The following C3orf38 variants were observed in gnomAD, a reference collection of about 807,000 sequenced individuals.
The protein encoded by C3orf38 is chromosome 3 open reading frame 38, also known as uncharacterized protein C3orf38.
C3orf38 carries 18 observed loss-of-function variants against 28.3 expected under a neutral mutation model. The ratio of observed to expected loss-of-function variants is 0.64; its 90% CI spans 0.44 to 0.94. The LOEUF is 0.94. Among genes scored for constraint, C3orf38 ranks in the 40% least tolerant of loss-of-function variants. The probability of loss-of-function intolerance (pLI) is 0.00; values close to 1 mark genes in which losing one functional copy is unlikely to be tolerated. For synonymous variants in C3orf38, 145 were observed against 138.1 expected, an observed-to-expected ratio of 1.05 and a Z score of -0.35; for missense variants, 364 against 396.4, an observed-to-expected ratio of 0.92 and a Z score of 0.69.
At chr3:88,153,191 C>A in intron 1 of C3orf38, 39 bp from the exon 2 acceptor site, 1 of 1,574,540 alleles carries the variant, frequency 6.4e-7, no homozygotes, top group Non-Finnish European at 8.6e-7. Flanking sequence ...TTTGTAAGTG[C>A]CTCATGATTT....
chr3:88,154,402 C>T (rs1707453826), intron 2 of C3orf38, among the ~76,000 whole-genome samples: 1 of 151,522 alleles, frequency 6.6e-6, no homozygotes, highest in Non-Finnish European at 1.5e-5. Context: ...AGAAAAAGTC[C>T]TATTGTAGAA....
chr3:88,154,730 C>T (rs1348392722), intron 2 of C3orf38, among the ~76,000 whole-genome samples: 5 of 152,196 alleles, frequency 3.3e-5, no homozygotes, highest in South Asian at 2.1e-4. Context: ...ACCAGTGCCA[C>T]GCACAGTGCC....
Position 88,156,327 on chromosome 3 carries a change from C to G in C3orf38, c.682C>G (p.Pro228Ala), listed in dbSNP as rs1259982225. 6.2e-7 allele frequency: 1 copy of G among 1,614,210 alleles called. No homozygotes were observed. Among genetic ancestry groups the G allele is most frequent in the Non-Finnish European group, 8.5e-7 (1 of 1,180,034 alleles). ...ACATGGACTGAAATGTGCATCTTCT[C>G]CTCATGGGCTGGTTATGGTTGGAGT... ...DSHGLKCASS[P>A]HGLVMVGVAG... The change falls in exon 3 of 3, where the codon CCT becomes GCT. Residue 228 changes from proline to alanine, a missense_variant. Transcript: ENST00000318887.
intron 1 of C3orf38, chr3:88,150,494 C>A: frequency 4.8e-6 from 1 of 208,732 alleles, no homozygotes. Context: ...TTTTCAGTTT[C>A]GATCAGCTGA....
Position 88,156,312 on chromosome 3 carries a change from A to G in C3orf38, c.667A>G (p.Lys223Glu), listed in dbSNP as rs762586867. 3.7e-6 allele frequency: 6 copies of G among 1,614,216 alleles called. No homozygotes were observed. Among genetic ancestry groups the G allele is most frequent in the Non-Finnish European group, 4.2e-6 (5 of 1,180,032 alleles). ...CCCCAACCTAGATTCACATGGACTG[A>G]AATGTGCATCTTCTCCTCATGGGCT... ...LSPNLDSHGL[K>E]CASSPHGLVM... The change falls in exon 3 of 3, where the codon AAA (lysine) becomes GAA (glutamate). Residue 223 changes from lysine (K) to glutamate (E), a missense_variant. Transcript: ENST00000318887.
At chr3:88,150,213 C>CT (rs1707386683) in intron 1 of C3orf38, 28 bp downstream of exon 1, 1 of 1,611,386 alleles carries the variant, frequency 6.2e-7, no homozygotes, top group Admixed American at 1.7e-5. Flanking sequence ...ACCTAGAAGG[C>CT]TGCCGCCCCT....
In C3orf38 at chr3:88,157,522, A is replaced by C. The variant is rs1231565302; in HGVS notation, c.*887A>C. 6.6e-6 allele frequency: 1 copy of C among 152,156 alleles called. No homozygotes were observed. Among genetic ancestry groups the C allele is most frequent in the African/African-American group, 2.4e-5 (1 of 41,440 alleles). The allele number at this position is 152,156 out of a possible 1,614,324, so 9.4% of individuals were successfully genotyped here. A position where few individuals can be genotyped will look rare whatever the true frequency, so the allele number is the denominator to read the frequency against. On this transcript the variant is annotated 3_prime_UTR_variant, in exon 3 of 3. Coordinates refer to ENST00000318887, the MANE Select transcript of C3orf38 (RefSeq NM_173824.4). ...GATCTTGGCAGAGATGACAAAAAAA[A>C]CCCCAAAACAACCCATGCATGTATA...
chr3:88,153,137 G>T, intron 1 of C3orf38, 93 bp from the exon 2 acceptor site: 2 of 1,196,348 alleles, frequency 1.7e-6, no homozygotes, highest in South Asian at 3.1e-5. Flanking sequence ...TGTGACGAGA[G>T]TTTATAAACA....
chr3:88,150,036 C>T lies in C3orf38; in HGVS notation c.-17C>T. 6.8e-7 allele frequency: 1 copy of T among 1,470,412 alleles called. No homozygotes were observed. The highest frequency in any genetic ancestry group is 9.0e-7 in the Non-Finnish European group (1 of 1,108,812). 91.1% of individuals were successfully genotyped at this position (1,470,412 alleles called of 1,614,324 possible). A position where few individuals can be genotyped will look rare whatever the true frequency, so the allele number is the denominator to read the frequency against. On this transcript the variant is annotated 5_prime_UTR_variant, in exon 1 of 3. Coordinates refer to ENST00000318887, the MANE Select transcript of C3orf38 (RefSeq NM_173824.4). ...GGGCGACATTGTTGCCGTTGTCTTT[C>T]CCCCCCAGTCCCGGGGATGGAGATG...
intron 2 of C3orf38, among the ~76,000 whole-genome samples, chr3:88,154,841 A>G (rs1430919590): frequency 6.6e-6 from 1 of 151,928 alleles, no homozygotes; most frequent in African/African-American, 2.4e-5. Context: ...CTAGTGTATC[A>G]GGTAGATTTT....
At chr3:88,155,347 C>T (rs1443291614) in intron 2 of C3orf38, among the ~76,000 whole-genome samples, 2 of 151,756 alleles carry the variant, frequency 1.3e-5, no homozygotes, top group Non-Finnish European at 2.9e-5. Flanking sequence ...AAGGTTTTCA[C>T]ATATATACCT....
chr3:88,150,453 A>G (rs1273268248), intron 1 of C3orf38, among the ~76,000 whole-genome samples: 2 of 152,250 alleles, frequency 1.3e-5, no homozygotes, highest in Admixed American at 1.3e-4. Context: ...AAAATTTTAA[A>G]AAATTTTCTG....
At position 88,150,179 on chromosome 3, in the gene C3orf38, C is replaced by G. The variant is rs746783288; in HGVS notation, c.127C>G (p.Arg43Gly). 18 of 1,614,020 alleles carry G rather than the reference C, an allele frequency of 1.1e-5. No individual in the cohort carries two copies. The highest frequency in any genetic ancestry group is 1.5e-5 in the Non-Finnish European group (18 of 1,180,010). The change falls in exon 1 of 3, where the codon CGC becomes GGC. Residue 43 changes from arginine to glycine, a missense_variant. By Grantham distance (125) the Arg-to-Gly change is moderately radical. Transcript: ENST00000318887. ...VTNRLVQPQD[R>G]QDAVHAILAY... is the part of the protein sequence containing the mutation. ...CAACCGCCTGGTGCAGCCTCAGGAC[C>G]GCCAAGGTAAGGGCGGACCCTTCAC...
Position 88,156,092 on chromosome 3 carries a change from C to T in C3orf38, c.447C>T (p.Phe149=). ...TAGGAGAAGAATTCTGTCATTGGTT[C>T]TTTGGACTTCTTAATTCTCAGAATC... ...RRLGEEFCHW[F]FGLLNSQNPF... Residue 149 remains phenylalanine (F), a synonymous_variant, in exon 3 of 3, where the codon TTC becomes TTT. Transcript: ENST00000318887. 2 of 1,599,190 alleles carry T rather than the reference C, an allele frequency of 1.3e-6. No homozygotes were observed. Among genetic ancestry groups the T allele is most frequent in the Non-Finnish European group, 8.5e-7 (1 of 1,174,404 alleles).
chr3:88,150,150 T>C lies in C3orf38; in HGVS notation c.98T>C (p.Val33Ala). 1 of 1,614,058 alleles carries C rather than the reference T, an allele frequency of 6.2e-7. No individual in the cohort carries two copies. The highest frequency in any genetic ancestry group is 8.5e-7 in the Non-Finnish European group (1 of 1,179,996). The change falls in exon 1 of 3, where the codon GTC (valine) becomes GCC (alanine). Residue 33 changes from valine to alanine, a missense_variant. Physicochemically the swap from Val to Ala is moderately conservative, Grantham distance 64. Transcript: ENST00000318887. Reference sequence around the variant, plus strand: ...GAGATCATGGCCCTATGCGACACTGTCACCAACCGCCTGGTGCAGCCTCAG... The same window carrying C: ...GAGATCATGGCCCTATGCGACACTGCCACCAACCGCCTGGTGCAGCCTCAG... ...NDEIMALCDT[V>A]TNRLVQPQDR...
At chr3:88,153,137 G>A in intron 1 of C3orf38, 93 bp from the exon 2 acceptor site, 6 of 1,196,348 alleles carry the variant, frequency 5.0e-6, no homozygotes, top group Non-Finnish European at 7.0e-6. Context: ...TGTGACGAGA[G>A]TTTATAAACA....
rs1707479776 is a variant in C3orf38, at chr3:88,156,367, A to G, written c.722A>G (p.His241Arg). 7 of 1,614,218 alleles carry G rather than the reference A, an allele frequency of 4.3e-6. No individual in the cohort carries two copies. The highest frequency in any genetic ancestry group is 5.9e-6 in the Non-Finnish European group (7 of 1,180,040). ...ATGGTTGGAGTTGCTGGGACTGTCC[A>G]TCGAGGAAACACTTGTTTGGGCATT... ...LVMVGVAGTV[H>R]RGNTCLGIFE... Residue 241 changes from histidine to arginine, a missense_variant, in exon 3 of 3, where the codon CAT becomes CGT. Transcript: ENST00000318887.
Position 88,153,297 on chromosome 3 carries a change from C to A in C3orf38, c.201C>A (p.His67Gln). Reference protein sequence around the residue: ...AEELLRRRKVHREVIFKYLAT... With the variant: ...AEELLRRRKVQREVIFKYLAT... ...AACTTCTGAGGCGTAGAAAAGTCCACCGAGAAGTTATATTTAAGTACTTGG... is the reference window on the plus strand; with the variant it reads ...AACTTCTGAGGCGTAGAAAAGTCCAACGAGAAGTTATATTTAAGTACTTGG... Residue 67 changes from histidine (H) to glutamine (Q), a missense_variant, in exon 2 of 3, where the codon CAC becomes CAA. His to Gln is a conservative substitution (Grantham distance 24). Coordinates refer to ENST00000318887, the MANE Select transcript of C3orf38 (RefSeq NM_173824.4). 1 of 1,613,962 alleles carries A rather than the reference C, an allele frequency of 6.2e-7. No homozygotes were observed. Among genetic ancestry groups the A allele is most frequent in the African/African-American group, 1.3e-5 (1 of 74,984 alleles).
chr3:88,154,317 C>T (rs1177944501), intron 2 of C3orf38, among the ~76,000 whole-genome samples: 1 of 151,730 alleles, frequency 6.6e-6, no homozygotes, highest in Non-Finnish European at 1.5e-5. Flanking sequence ...GCCCAGCATG[C>T]GTTAGCTATT....
Sources: allele counts gnomAD v4.1 joint callset (sites outside exome capture counted in the v4.1 genomes callset), GRCh38; gene constraint gnomAD v4.1.1; transcripts MANE v1.5; gene names NCBI Gene and HGNC (gene_info 2026-07-23, HGNC 2026-07-21).